The following MYCBP2 variants were observed in gnomAD, a reference collection of about 807,000 sequenced individuals.
MYCBP2 encodes the protein E3 ubiquitin-protein ligase MYCBP2.
A neutral mutation model predicts 525.3 loss-of-function variants in MYCBP2; 120 were observed. That is an observed-to-expected ratio of 0.23 (90% CI 0.20 to 0.27). The LOEUF (loss-of-function observed/expected upper bound fraction) is 0.27, where lower values mean the gene tolerates loss of function less well. MYCBP2 is among the 10% of genes least tolerant of loss of function. The pLI, the probability that MYCBP2 is intolerant of heterozygous loss-of-function variation, is 1.00. For missense variants in MYCBP2, 4,149 were observed against 5,657.1 expected (o/e 0.73, Z 8.55); for synonymous variants, 1,894 against 1,955.8 (o/e 0.97, Z 0.83).
chr13:77,245,060 A>G (rs998622253), intron 15 of MYCBP2, among the ~76,000 whole-genome samples: 1 of 152,212 alleles, frequency 6.6e-6, no homozygotes. Flanking sequence ...ATGAGAAAAC[A>G]TGTCACGCCA....
chr13:77,283,915 A>T (rs1425310398), intron 3 of MYCBP2, among the ~76,000 whole-genome samples: 1 of 152,192 alleles, frequency 6.6e-6, no homozygotes, highest in Non-Finnish European at 1.5e-5. Context: ...AAATAAAAAC[A>T]AAAATAATAA....
At chr13:77,285,991 C>T (rs1327236465) in intron 3 of MYCBP2, among the ~76,000 whole-genome samples, 1 of 152,022 alleles carries the variant, frequency 6.6e-6, no homozygotes, top group African/African-American at 2.4e-5. Flanking sequence ...AAAAGGGTCC[C>T]ACTCTAAAAC....
intron 1 of MYCBP2, among the ~76,000 whole-genome samples, chr13:77,311,274 A>G (rs2080168956): frequency 6.6e-6 from 1 of 152,208 alleles, no homozygotes; most frequent in Non-Finnish European, 1.5e-5. Flanking sequence ...AAACAACAAA[A>G]AACACAACAT....
At chr13:77,320,628 T>C (rs183765853) in intron 1 of MYCBP2, among the ~76,000 whole-genome samples, 5 of 152,044 alleles carry the variant, frequency 3.3e-5, no homozygotes, top group Admixed American at 2.6e-4. Flanking sequence ...TCTTTACAAA[T>C]GGAAAAAGCA....
chr13:77,068,315 T>C (rs1208779202), intron 70 of MYCBP2, among the ~76,000 whole-genome samples: 1 of 151,456 alleles, frequency 6.6e-6, no homozygotes, highest in Non-Finnish European at 1.5e-5. Context: ...TATTTCATGG[T>C]AATATGGTAA....
In MYCBP2 at chr13:77,181,822, G is replaced by A. The variant is rs578189199; in HGVS notation, c.4820C>T (p.Pro1607Leu). Reference protein sequence around the residue: ...HTSVKLTSIFPIAYDGEVLLR... With the variant: ...HTSVKLTSIFLIAYDGEVLLR... ...TAATACTTCTCCATCATACGCAATC[G>A]GGAAGATGGAAGTCAGCTTAACAGA... Residue 1607 changes from proline to leucine, a missense_variant, in exon 33 of 83, where the codon CCG (proline) becomes CTG (leucine). This residue lies in a region of MYCBP2 where 292 missense variants were observed against 330.5 expected (regional missense o/e 0.88). Coordinates refer to ENST00000544440, the MANE Select transcript of MYCBP2 (RefSeq NM_015057.5). The A allele has an allele frequency of 8.7e-6, 14 of 1,613,972 alleles. No individual in the cohort carries two copies. Among genetic ancestry groups the A allele is most frequent in the South Asian group, 5.5e-5 (5 of 91,072 alleles).
At chr13:77,310,384 C>T (rs1389700328) in intron 1 of MYCBP2, among the ~76,000 whole-genome samples, 2 of 152,086 alleles carry the variant, frequency 1.3e-5, no homozygotes, top group African/African-American at 4.8e-5. Flanking sequence ...AGTCTACATG[C>T]CAAAAACAGC....
chr13:77,236,610 T>A (rs538122978), intron 17 of MYCBP2, among the ~76,000 whole-genome samples: 1 of 152,306 alleles, frequency 6.6e-6, no homozygotes, highest in African/African-American at 2.4e-5. Flanking sequence ...ATAATACATC[T>A]ACTAAATGGA....
rs376419770 is a variant in MYCBP2 at position 77,096,292 on chromosome 13, C to T, written c.9954+20G>A. 3.1e-6 allele frequency: 5 copies of T among 1,610,814 alleles called. No homozygotes were observed. The highest frequency in any genetic ancestry group is 3.4e-6 in the Non-Finnish European group (4 of 1,178,120). On this transcript the variant is annotated intron_variant, in intron 57 of 82. Coordinates refer to ENST00000544440, the MANE Select transcript of MYCBP2 (RefSeq NM_015057.5). ...TGTATCCATATCATTAAAAGTATAGCTCCAAATGGAATAAAATACCTTCTC... is the reference window on the plus strand; with the variant it reads ...TGTATCCATATCATTAAAAGTATAGTTCCAAATGGAATAAAATACCTTCTC...
intron 17 of MYCBP2, among the ~76,000 whole-genome samples, chr13:77,239,156 T>C (rs552203105): frequency 1.3e-5 from 2 of 152,274 alleles, no homozygotes; most frequent in African/African-American, 4.8e-5. Flanking sequence ...TCTGATCATC[T>C]ATGAAAAACT....
chr13:77,096,317 C>G lies in MYCBP2; in HGVS notation c.9949G>C (p.Glu3317Gln), dbSNP rs758334522. 1.4e-5 allele frequency: 23 copies of G among 1,612,882 alleles called. No individual in the cohort carries two copies. The highest frequency in any genetic ancestry group is 1.4e-5 in the Non-Finnish European group (16 of 1,179,304). Residue 3317 changes from glutamate to glutamine, a missense_variant, in exon 57 of 83, where the codon GAG becomes CAG. Physicochemically the swap from Glu to Gln is conservative, Grantham distance 29. Coordinates refer to ENST00000544440, the MANE Select transcript of MYCBP2 (RefSeq NM_015057.5). ...CTCCAAATGGAATAAAATACCTTCT[C>G]CCTTGCAGCAGCCTGTTTTTCGCGG... ...YLREKQAAAR[E>Q]KVKQSRRKPM...
intron 23 of MYCBP2, among the ~76,000 whole-genome samples, chr13:77,208,327 T>C (rs1024458939): frequency 3.3e-5 from 5 of 152,212 alleles, no homozygotes; most frequent in Non-Finnish European, 7.3e-5. Context: ...TCTGTGAGCC[T>C]ATCTTTTAAC....
At chr13:77,201,250 C>A (rs1196127334) in intron 26 of MYCBP2, among the ~76,000 whole-genome samples, 1 of 148,846 alleles carries the variant, frequency 6.7e-6, no homozygotes, top group Non-Finnish European at 1.5e-5. Flanking sequence ...ATCCTAGTCT[C>A]TGATAAAACA....
chr13:77,130,678 A>C (rs1164858263), intron 52 of MYCBP2, among the ~76,000 whole-genome samples: 1 of 152,132 alleles, frequency 6.6e-6, no homozygotes, highest in Non-Finnish European at 1.5e-5. Context: ...AAATGTCTAT[A>C]CTGGTTCATC....
intron 17 of MYCBP2, among the ~76,000 whole-genome samples, chr13:77,237,188 C>T (rs2068047939): frequency 6.6e-6 from 1 of 152,042 alleles, no homozygotes; most frequent in Admixed American, 6.5e-5. Flanking sequence ...ATGGTATAGC[C>T]ATATTATGAT....
chr13:77,164,564 C>A (rs762692704), intron 42 of MYCBP2, 23 bp from the exon 43 acceptor site: 1 of 1,456,356 alleles, frequency 6.9e-7, no homozygotes, highest in South Asian at 1.2e-5. Context: ...ATAAAATTTG[C>A]TGCTTTAAAA....
chr13:77,072,316 A>G (rs201959295), intron 68 of MYCBP2, among the ~76,000 whole-genome samples: 2 of 45,120 alleles, frequency 4.4e-5, no homozygotes, highest in Non-Finnish European at 9.3e-5. Context: ...AAAAAAAAAA[A>G]AGAAATCAAA....
At chr13:77,247,780 T>A (rs952654819) in intron 15 of MYCBP2, among the ~76,000 whole-genome samples, 4 of 152,168 alleles carry the variant, frequency 2.6e-5, no homozygotes, top group Non-Finnish European at 5.9e-5. Context: ...GTCAGATGAT[T>A]TTTGACAAAG....
chr13:77,171,681 C>A lies in MYCBP2; in HGVS notation c.5652-47G>T. On this transcript the variant is annotated intron_variant, in intron 37 of 82. Coordinates refer to ENST00000544440, the MANE Select transcript of MYCBP2 (RefSeq NM_015057.5). Reference sequence around the variant, plus strand: ...GATTATTTTACAATGGTAAGTAAAACATGATCCAGTGCCAGAAATCATATC... The same window carrying A: ...GATTATTTTACAATGGTAAGTAAAAAATGATCCAGTGCCAGAAATCATATC... The A allele has an allele frequency of 2.5e-6, 4 of 1,577,352 alleles. No individual in the cohort carries two copies. In the Admixed American group the frequency reaches 5.2e-5, roughly 20 times the overall value.
Sources: allele counts gnomAD v4.1 joint callset (sites outside exome capture counted in the v4.1 genomes callset), GRCh38; gene constraint gnomAD v4.1.1; regional missense constraint gnomAD v4.1.1; transcripts MANE v1.5; gene names NCBI Gene and HGNC (gene_info 2026-07-23, HGNC 2026-07-21).